STK32B: variants seen among roughly 807,000 people sequenced by gnomAD.
The protein encoded by STK32B is serine/threonine-protein kinase 32B.
A neutral mutation model predicts 52.6 loss-of-function variants in STK32B; 43 were observed. The ratio of observed to expected loss-of-function variants is 0.82; its 90% CI spans 0.64 to 1.05. The LOEUF (loss-of-function observed/expected upper bound fraction) is 1.05. Among genes scored for constraint, STK32B ranks in the 50% least tolerant of loss-of-function variants. The pLI is 0.00. For synonymous variants in STK32B, 238 were observed against 204.3 expected, an observed-to-expected ratio of 1.17 and a Z score of -1.41; for missense variants, 621 against 534.6, an observed-to-expected ratio of 1.16 and a Z score of -1.59.
intron 1 of STK32B, among the ~76,000 whole-genome samples, chr4:5,138,857 C>T (rs775991513): frequency 5.3e-5 from 8 of 152,086 alleles, no homozygotes; most frequent in African/African-American, 7.2e-5. Flanking sequence ...GCTGCTCTCA[C>T]GTGTCTGGCA....
rs549958774 is a variant in STK32B, at chr4:5,187,430, C to T, written c.260+18980C>T. ...TATCTGGATTAATCCTCAGAACCATCGTGCAAGGTGGATGTTACTGTCTCG... is the reference window on the plus strand; with the variant it reads ...TATCTGGATTAATCCTCAGAACCATTGTGCAAGGTGGATGTTACTGTCTCG... On this transcript the variant is annotated intron_variant, in intron 3 of 11. Coordinates refer to ENST00000282908, the MANE Select transcript of STK32B (RefSeq NM_018401.3). Among the ~76,000 whole-genome samples the T allele has an allele frequency of 2.0e-5, 3 of 152,298 alleles. No homozygotes were observed. The East Asian group carries it at 5.8e-4, about 29-fold the overall frequency.
intron 5 of STK32B, among the ~76,000 whole-genome samples, chr4:5,408,188 C>T (rs1321471590): frequency 2.6e-5 from 4 of 152,132 alleles, no homozygotes; most frequent in Non-Finnish European, 5.9e-5. Flanking sequence ...TAATAAGGTA[C>T]TTAGGACTAA....
At chr4:5,369,065 G>A (rs372543694) in intron 4 of STK32B, among the ~76,000 whole-genome samples, 30 of 151,968 alleles carry the variant, frequency 2.0e-4, no homozygotes, top group East Asian at 5.8e-4. Flanking sequence ...GTGTGACTGG[G>A]TCCTAGCCAA....
At chr4:5,123,668 T>A (rs987444171) in intron 1 of STK32B, among the ~76,000 whole-genome samples, 1 of 152,158 alleles carries the variant, frequency 6.6e-6, no homozygotes, top group Non-Finnish European at 1.5e-5. Flanking sequence ...TCTTATCACC[T>A]CTTTTTACAA....
chr4:5,042,453 C>T, the STK32B span, among the ~76,000 whole-genome samples: 6 of 152,206 alleles, frequency 3.9e-5, no homozygotes, highest in South Asian at 2.1e-4. Flanking sequence ...CCCCAAGTTC[C>T]GCCATTCTCT....
At chr4:5,258,341 G>A (rs576582790) in intron 3 of STK32B, among the ~76,000 whole-genome samples, 33 of 152,200 alleles carry the variant, frequency 2.2e-4, no homozygotes, top group African/African-American at 7.7e-4. Flanking sequence ...TCATAGGTTT[G>A]GAGACAATTA....
chr4:5,146,152 G>A (rs768663460), intron 2 of STK32B, among the ~76,000 whole-genome samples: 5 of 151,186 alleles, frequency 3.3e-5, no homozygotes, highest in Non-Finnish European at 7.4e-5. Flanking sequence ...AGAATTAATA[G>A]GATATATGTA....
intron 1 of STK32B, among the ~76,000 whole-genome samples, chr4:5,131,799 A>C (rs984581309): frequency 6.6e-6 from 1 of 152,224 alleles, no homozygotes; most frequent in Non-Finnish European, 1.5e-5. Flanking sequence ...CCCTGTCTAA[A>C]ATTGCAGCTC....
chr4:5,439,072 T>C (rs1714433501), intron 6 of STK32B, among the ~76,000 whole-genome samples: 1 of 150,084 alleles, frequency 6.7e-6, no homozygotes, highest in Non-Finnish European at 1.5e-5. Flanking sequence ...TATGTGTGCA[T>C]GTGTCTTTAT....
intron 11 of STK32B, among the ~76,000 whole-genome samples, chr4:5,498,619 T>C (rs1462184509): frequency 1.3e-5 from 2 of 152,172 alleles, no homozygotes; most frequent in African/African-American, 4.8e-5. Context: ...GAAATATAAA[T>C]ATATGGTATA....
At chr4:5,203,109 C>T (rs1722283216) in intron 3 of STK32B, among the ~76,000 whole-genome samples, 1 of 152,120 alleles carries the variant, frequency 6.6e-6, no homozygotes, top group Admixed American at 6.5e-5. Context: ...CAATTTCACT[C>T]TTCTCTAAAA....
chr4:5,233,823 A>G (rs1724437143), intron 3 of STK32B, among the ~76,000 whole-genome samples: 1 of 151,944 alleles, frequency 6.6e-6, no homozygotes, highest in Non-Finnish European at 1.5e-5. Flanking sequence ...CAAGTGGCAG[A>G]AACAAGAAGT....
the STK32B span, among the ~76,000 whole-genome samples, chr4:5,042,341 T>C: frequency 2.0e-5 from 3 of 152,228 alleles, no homozygotes; most frequent in Non-Finnish European, 4.4e-5. Context: ...TTATATTTTA[T>C]TGTTTTGCAC....
the STK32B span, among the ~76,000 whole-genome samples, chr4:5,031,315 C>T: frequency 1.1e-4 from 17 of 152,304 alleles, no homozygotes; most frequent in African/African-American, 3.1e-4. Flanking sequence ...ATCACACTGT[C>T]GGACTCTGGG....
chr4:5,459,681 C>T (rs528225519), intron 8 of STK32B, among the ~76,000 whole-genome samples: 18 of 152,350 alleles, frequency 1.2e-4, no homozygotes, highest in African/African-American at 4.1e-4. Flanking sequence ...GAGATCACCT[C>T]GTAGCTGTCC....
intron 1 of STK32B, among the ~76,000 whole-genome samples, chr4:5,065,749 A>G (rs911644356): frequency 6.6e-6 from 1 of 152,172 alleles, no homozygotes; most frequent in African/African-American, 2.4e-5. Flanking sequence ...TTTGAGACAG[A>G]GTCTTGCTCT....
At chr4:5,075,435 A>G (rs10028432) in intron 1 of STK32B, among the ~76,000 whole-genome samples, 27,288 of 152,060 alleles carry the variant, frequency 0.18, 2,646 homozygotes, top group Non-Finnish European at 0.21. Flanking sequence ...TGTGAAAATC[A>G]CCTTAAAAAT....
chr4:5,264,337 C>T (rs1259680298), intron 3 of STK32B, among the ~76,000 whole-genome samples: 1 of 152,142 alleles, frequency 6.6e-6, no homozygotes, highest in African/African-American at 2.4e-5. Flanking sequence ...CCATTCTAGG[C>T]AGTGTGCTTT....
At chr4:5,384,339 T>G (rs939176693) in intron 4 of STK32B, among the ~76,000 whole-genome samples, 1 of 151,984 alleles carries the variant, frequency 6.6e-6, no homozygotes, top group African/African-American at 2.4e-5. Flanking sequence ...GCAGCAGGGT[T>G]TGCTATTCAG....
Sources: gnomAD v4.1 joint callset for allele counts (sites outside exome capture counted in the v4.1 genomes callset) on GRCh38, gnomAD v4.1.1 for gene constraint, MANE v1.5 for transcripts, NCBI Gene and HGNC (gene_info 2026-07-23, HGNC 2026-07-21) for gene names.